Variants in TTC28 observed in about 807,000 individuals in gnomAD.
TTC28 encodes the protein tetratricopeptide repeat domain 28.
A neutral mutation model predicts 198.0 loss-of-function variants in TTC28; 61 were observed. The ratio of observed to expected loss-of-function variants is 0.31; its 90% CI spans 0.25 to 0.38. The LOEUF (loss-of-function observed/expected upper bound fraction) is 0.38, where lower values mean the gene tolerates loss of function less well. TTC28 is among the 10% of genes least tolerant of loss of function. The pLI is 1.00. For synonymous variants in TTC28, 1,171 were observed against 1,297.8 expected (o/e 0.90, Z 2.10); for missense variants, 2,678 against 3,164.0 (o/e 0.85, Z 3.69).
intron 1 of TTC28, among the ~76,000 whole-genome samples, chr22:28,638,618 G>GA (rs1262532997): frequency 1.3e-5 from 2 of 152,024 alleles, no homozygotes; most frequent in Non-Finnish European, 2.9e-5. Flanking sequence ...CAATTCAATG[G>GA]AAAAAATGGA....
rs141320131 is a variant in TTC28 at position 28,188,606 on chromosome 22, G to A, written c.934-25007C>T. 1.8e-4 allele frequency among the ~76,000 whole-genome samples: 28 copies of A among 152,314 alleles called. No individual in the cohort carries two copies. In the East Asian group the frequency reaches 5.2e-3, roughly 28 times the overall value. On this transcript the variant is annotated intron_variant, in intron 5 of 22. Transcript: ENST00000397906. ...TCTGGAGATGTTTAGAGATGAAGAC[G>A]GAAATGAAATGTTACACTAAAAACA...
In TTC28 at chr22:28,360,524, C is replaced by G. The variant is rs556748214; in HGVS notation, c.382-53881G>C. ...TTATTTTCTTTGGTTGTTTTAAAAG[C>G]AAAGTACAACATTCTCAAAGCTGAG... is the stretch of plus-strand genomic sequence containing the variant. On this transcript the variant is annotated intron_variant, in intron 2 of 22. Transcript: ENST00000397906. 2.6e-3 allele frequency among the ~76,000 whole-genome samples: 398 copies of G among 152,196 alleles called. 1 individual carries two copies. The highest frequency in any genetic ancestry group is 3.5e-3 in the Non-Finnish European group (239 of 67,994).
At chr22:28,129,169 G>A (rs1171007426) in intron 6 of TTC28, among the ~76,000 whole-genome samples, 2 of 152,142 alleles carry the variant, frequency 1.3e-5, no homozygotes, top group Non-Finnish European at 2.9e-5. Context: ...CATATAATAA[G>A]TGAAGGGAGG....
chr22:28,376,817 GC>G (rs1410170115), intron 2 of TTC28, among the ~76,000 whole-genome samples: 2 of 152,124 alleles, frequency 1.3e-5, no homozygotes, highest in Non-Finnish European at 2.9e-5. Context: ...CTCAGAGAGT[GC>G]CCCGACCTGA....
intron 14 of TTC28, chr22:28,006,819 G>A (rs1937947283): frequency 6.6e-6 from 1 of 152,248 alleles, no homozygotes; most frequent in Admixed American, 6.5e-5. Context: ...TACAGGTCGA[G>A]CTCTTCAGAA....
chr22:28,067,425 T>C (rs1388408828), intron 12 of TTC28, among the ~76,000 whole-genome samples: 1 of 152,172 alleles, frequency 6.6e-6, no homozygotes, highest in East Asian at 1.9e-4. Context: ...GATTGCAATA[T>C]CTCTTATAAC....
Position 28,618,031 on chromosome 22 carries a change from G to T in TTC28, c.381+11521C>A, listed in dbSNP as rs192705182. ...CTCACGCCTGCAATCCCAGCACTTT[G>T]GGGGGCCGAGGCAGGTGGATCATCT... On this transcript the variant is annotated intron_variant, in intron 2 of 22. Transcript: ENST00000397906. Among the ~76,000 whole-genome samples, 296 of 152,266 alleles carry T rather than the reference G, an allele frequency of 1.9e-3. 1 individual carries two copies. The highest frequency in any genetic ancestry group is 7.0e-3 in the African/African-American group (289 of 41,570).
intron 2 of TTC28, among the ~76,000 whole-genome samples, chr22:28,604,297 T>TACATATATATATATATATGTATATA (rs1053139903): frequency 8.8e-6 from 1 of 114,142 alleles, no homozygotes; most frequent in African/African-American, 3.5e-5. Flanking sequence ...AAAAAAAAAA[T>TACATATATATATATATATGTATATA]TATATATATA....
chr22:28,064,759 A>G (rs1348957640), intron 12 of TTC28, among the ~76,000 whole-genome samples: 1 of 152,180 alleles, frequency 6.6e-6, no homozygotes, highest in Non-Finnish European at 1.5e-5. Flanking sequence ...GCCCTCAAGA[A>G]GCAAGGAGAC....
At chr22:28,562,950 C>A (rs535453698) in intron 2 of TTC28, among the ~76,000 whole-genome samples, 14 of 152,206 alleles carry the variant, frequency 9.2e-5, no homozygotes, top group South Asian at 6.2e-4. Context: ...TAGCAAAACC[C>A]TGTCTCTACA....
At chr22:28,510,742 T>A (rs2048676745) in intron 2 of TTC28, among the ~76,000 whole-genome samples, 1 of 152,158 alleles carries the variant, frequency 6.6e-6, no homozygotes, top group South Asian at 2.1e-4. Context: ...GACATGATCC[T>A]GTATCTAGAA....
intron 2 of TTC28, among the ~76,000 whole-genome samples, chr22:28,593,462 T>A (rs1473330386): frequency 2.2e-5 from 3 of 134,516 alleles, no homozygotes; most frequent in Non-Finnish European, 4.9e-5. Flanking sequence ...GGTAGATAGG[T>A]AGGTAGCTAG....
intron 5 of TTC28, among the ~76,000 whole-genome samples, chr22:28,284,900 T>C (rs2044651091): frequency 6.6e-6 from 1 of 152,200 alleles, no homozygotes; most frequent in Non-Finnish European, 1.5e-5. Flanking sequence ...CTGGTGGGAA[T>C]GTAAATTGAT....
intron 2 of TTC28, among the ~76,000 whole-genome samples, chr22:28,528,582 A>T (rs1391970119): frequency 6.6e-6 from 1 of 151,650 alleles, no homozygotes; most frequent in African/African-American, 2.4e-5. Context: ...CAAAAAAAAA[A>T]AAAATTACCC....
At chr22:28,203,358 T>C (rs1030128646) in intron 5 of TTC28, among the ~76,000 whole-genome samples, 1 of 152,180 alleles carries the variant, frequency 6.6e-6, no homozygotes, top group Non-Finnish European at 1.5e-5. Flanking sequence ...TGTTAACTAT[T>C]ATTTGTCACA....
intron 2 of TTC28, among the ~76,000 whole-genome samples, chr22:28,598,549 T>G (rs1424247289): frequency 6.8e-6 from 1 of 146,758 alleles, no homozygotes; most frequent in Non-Finnish European, 1.5e-5. Flanking sequence ...TAAGCACTAC[T>G]GTATGGAGGT....
chr22:28,070,950 C>T (rs1047943469), intron 12 of TTC28, among the ~76,000 whole-genome samples: 3 of 152,178 alleles, frequency 2.0e-5, no homozygotes, highest in South Asian at 2.1e-4. Context: ...GCATCCATTG[C>T]TACTCGATTC....
At chr22:28,276,379 A>G (rs1021410700) in intron 5 of TTC28, among the ~76,000 whole-genome samples, 2 of 152,108 alleles carry the variant, frequency 1.3e-5, no homozygotes, top group Non-Finnish European at 2.9e-5. Context: ...GCTCATGACT[A>G]AAGTAATAGG....
intron 2 of TTC28, among the ~76,000 whole-genome samples, chr22:28,481,005 A>C (rs1169289440): frequency 3.3e-5 from 5 of 152,194 alleles, no homozygotes; most frequent in Non-Finnish European, 7.4e-5. Flanking sequence ...AAGGTCACAC[A>C]GCCAGCAAAT....
Sources: allele counts gnomAD v4.1 joint callset (sites outside exome capture counted in the v4.1 genomes callset), GRCh38; gene constraint gnomAD v4.1.1; transcripts MANE v1.5; gene names NCBI Gene and HGNC (gene_info 2026-07-23, HGNC 2026-07-21).